Variants in TNRC18 observed in about 807,000 individuals in gnomAD.
The protein encoded by TNRC18 is trinucleotide repeat containing 18.
TNRC18 carries 69 observed loss-of-function variants against 226.7 expected under a neutral mutation model. The observed-to-expected ratio is 0.30, with a 90% CI of 0.25 to 0.37. The LOEUF (loss-of-function observed/expected upper bound fraction) is 0.37. TNRC18 is among the 10% of genes least tolerant of loss of function. TNRC18 has a pLI of 1.00. For synonymous variants in TNRC18, 2,449 were observed against 1,927.6 expected, an observed-to-expected ratio of 1.27 and a Z score of -7.09; for missense variants, 4,754 against 4,256.6, an observed-to-expected ratio of 1.12 and a Z score of -3.25.
intron 18 of TNRC18, 43 bp downstream of exon 18, chr7:5,345,519 C>CCCCCCCCCCCA: frequency 5.7e-6 from 1 of 174,076 alleles, no homozygotes; most frequent in Non-Finnish European, 1.2e-5. Context: ...TGGCGTCCGC[C>CCCCCCCCCCCA]CCTCCCACCC....
At position 5,377,386 on chromosome 7, in the gene TNRC18, C is replaced by T. The variant is rs757246612; in HGVS notation, c.2446G>A (p.Ala816Thr). 1.1e-5 allele frequency: 18 copies of T among 1,585,230 alleles called. No homozygotes were observed. Among genetic ancestry groups the T allele is most frequent in the African/African-American group, 2.7e-5 (2 of 74,210 alleles). Reference protein sequence around the residue: ...PRSGNASMWLAGHPYGLGPPS... With the variant: ...PRSGNASMWLTGHPYGLGPPS... The stretch of plus-strand genomic sequence containing the variant: ...CCACACTCACCGTAGGGGTGTCCAG[C>T]GAGCCACATGGATGCGTTGCCCGAG... Residue 816 changes from alanine (A) to threonine (T), a missense_variant, in exon 7 of 30, where the codon GCT becomes ACT. By Grantham distance (58) the Ala-to-Thr change is moderately conservative (BLOSUM62 0). Coordinates refer to ENST00000430969, the MANE Select transcript of TNRC18 (RefSeq NM_001080495.3). The surrounding 1 kb of genome is among the most constrained non-coding windows in gnomAD (Gnocchi z 5.8).
intron 2 of TNRC18, among the ~76,000 whole-genome samples, chr7:5,395,532 AG>A (rs1466873014): frequency 6.6e-6 from 1 of 152,198 alleles, no homozygotes; most frequent in Non-Finnish European, 1.5e-5. Flanking sequence ...ATCCCCTCTA[AG>A]GGAAGACCCT....
intron 3 of TNRC18, among the ~76,000 whole-genome samples, chr7:5,391,682 AGAGAG>A (rs1374230534): frequency 1.0e-4 from 14 of 139,970 alleles, no homozygotes; most frequent in Admixed American, 8.4e-4. Context: ...GTAGCCATGG[AGAGAG>A]GAGAAGTCAC....
In TNRC18 at chr7:5,376,210, G is replaced by A. The variant is rs770468463; in HGVS notation, c.2623C>T (p.Arg875Trp). The A allele has an allele frequency of 9.3e-6, 14 of 1,501,260 alleles. No homozygotes were observed. The highest frequency in any genetic ancestry group is 2.8e-5 in the African/African-American group (2 of 71,674). The allele number at this position is 1,501,260 out of a possible 1,614,324, so 93.0% of individuals were successfully genotyped here. A position where few individuals can be genotyped will look rare whatever the true frequency, so the allele number is the denominator to read the frequency against. The change falls in exon 9 of 30, where the codon CGG becomes TGG. Residue 875 changes from arginine (R) to tryptophan (W), a missense_variant. Coordinates refer to ENST00000430969, the MANE Select transcript of TNRC18 (RefSeq NM_001080495.3). ...HLPHFAELMERATVPPLWPAL... is the reference protein window; with the variant it reads ...HLPHFAELMEWATVPPLWPAL... ...GGCCAGAGGGGCGGTACGGTGGCCCGCTCCATCAGCTCCGCTGCAGGGACA... is the reference window on the plus strand; with the variant it reads ...GGCCAGAGGGGCGGTACGGTGGCCCACTCCATCAGCTCCGCTGCAGGGACA...
chr7:5,354,273 T>C lies in TNRC18; in HGVS notation c.5195-2179A>G, dbSNP rs150101061. Among the ~76,000 whole-genome samples, 567 of 150,386 alleles carry C rather than the reference T, an allele frequency of 3.8e-3. 2 individuals are homozygous for C. Among genetic ancestry groups the C allele is most frequent in the African/African-American group, 0.013 (537 of 40,936 alleles). On this transcript the variant is annotated intron_variant, in intron 16 of 29. Transcript: ENST00000430969. ...GACATTCCCTCACACGTGCCAAGAG[T>C]GAACACACCAGCTCGGAGCACCCCA...
intron 21 of TNRC18, among the ~76,000 whole-genome samples, chr7:5,322,134 C>T (rs1788432958): frequency 6.6e-6 from 1 of 151,962 alleles, no homozygotes; most frequent in African/African-American, 2.4e-5. Flanking sequence ...AAATATTACC[C>T]AGGTGTGGCA....
At chr7:5,335,993 G>A (rs894281813) in intron 18 of TNRC18, among the ~76,000 whole-genome samples, 1 of 151,930 alleles carries the variant, frequency 6.6e-6, no homozygotes, top group East Asian at 1.9e-4. Flanking sequence ...GATCACTTGA[G>A]GTGAGGAGTT....
In TNRC18 at chr7:5,389,304, C is replaced by G. The variant is rs765511626; in HGVS notation, c.520G>C (p.Gly174Arg). 1 of 1,282,788 alleles carries G rather than the reference C, an allele frequency of 7.8e-7. No individual in the cohort carries two copies. Among genetic ancestry groups the G allele is most frequent in the Non-Finnish European group, 9.9e-7 (1 of 1,015,208 alleles). The allele number at this position is 1,282,788 out of a possible 1,614,324, so 79.5% of individuals were successfully genotyped here. A position where few individuals can be genotyped will look rare whatever the true frequency, so the allele number is the denominator to read the frequency against. Reference sequence around the variant, plus strand: ...GAGGGCGCGTGAGAGTGCAGGGAGCCCGGAGCCCCCGCGGTGGGCAGGTAG... The same window carrying G: ...GAGGGCGCGTGAGAGTGCAGGGAGCGCGGAGCCCCCGCGGTGGGCAGGTAG... ...GFYLPTAGAP[G>R]SLHSHAPSAR... Residue 174 changes from glycine (G) to arginine (R), a missense_variant, in exon 5 of 30, where the codon GGC becomes CGC. Coordinates refer to ENST00000430969, the MANE Select transcript of TNRC18 (RefSeq NM_001080495.3).
intron 17 of TNRC18, among the ~76,000 whole-genome samples, chr7:5,346,538 G>C (rs1033668352): frequency 6.6e-6 from 1 of 152,222 alleles, no homozygotes; most frequent in Non-Finnish European, 1.5e-5. Context: ...GCCGGGCACA[G>C]TGGCTCACGC....
At chr7:5,401,266 A>G (rs1402467714) in intron 2 of TNRC18, among the ~76,000 whole-genome samples, 3 of 151,702 alleles carry the variant, frequency 2.0e-5, no homozygotes, top group Non-Finnish European at 4.4e-5. Context: ...CATGATAGGG[A>G]TATAAGTTCC....
At chr7:5,356,248 G>A (rs1372398563) in intron 16 of TNRC18, among the ~76,000 whole-genome samples, 2 of 151,264 alleles carry the variant, frequency 1.3e-5, no homozygotes, top group Non-Finnish European at 2.9e-5. Context: ...GGGTCGGGCC[G>A]AACCAGGTTT....
chr7:5,377,971 C>T lies in TNRC18; in HGVS notation c.2206G>A (p.Glu736Lys). The change falls in exon 6 of 30, where the codon GAA becomes AAA. Residue 736 changes from glutamate (E) to lysine (K), a missense_variant. Coordinates refer to ENST00000430969, the MANE Select transcript of TNRC18 (RefSeq NM_001080495.3). This position sits in a 1 kb window ranked among gnomAD's most constrained non-coding sequence, Gnocchi z 5.8. ...TCCAGCCGTGCCCCGAGCAGCCGTTCCTCCCGGTGTCTGGCCCGGTCGTCC... is the reference window on the plus strand; with the variant it reads ...TCCAGCCGTGCCCCGAGCAGCCGTTTCTCCCGGTGTCTGGCCCGGTCGTCC... Reference protein sequence around the residue: ...CVDDRARHREERLLGARLDRD... With the variant: ...CVDDRARHREKRLLGARLDRD... The T allele has an allele frequency of 6.2e-7, 1 of 1,613,554 alleles. No homozygotes were observed. The highest frequency in any genetic ancestry group is 8.5e-7 in the Non-Finnish European group (1 of 1,179,838).
At chr7:5,343,423 G>C (rs1333688509) in intron 18 of TNRC18, among the ~76,000 whole-genome samples, 1 of 152,106 alleles carries the variant, frequency 6.6e-6, no homozygotes, top group Non-Finnish European at 1.5e-5. Flanking sequence ...TATGCTTTTG[G>C]TTTGGTCTTT....
intron 19 of TNRC18, among the ~76,000 whole-genome samples, chr7:5,329,436 C>A (rs1372042898): frequency 5.3e-5 from 8 of 151,890 alleles, no homozygotes; most frequent in Non-Finnish European, 7.4e-5. Context: ...GTAATCCCAG[C>A]ACTTTGGGAG....
At chr7:5,373,775 G>A (rs949980069) in intron 10 of TNRC18, among the ~76,000 whole-genome samples, 1 of 152,154 alleles carries the variant, frequency 6.6e-6, no homozygotes, top group Non-Finnish European at 1.5e-5. Flanking sequence ...GCGTGTGACA[G>A]GTCTGGCTCG....
At chr7:5,345,517 G>GGGGGGGGGGGGGGCCC in intron 18 of TNRC18, 45 bp downstream of exon 18, 1 of 377,744 alleles carries the variant, frequency 2.6e-6, no homozygotes, top group Non-Finnish European at 4.8e-6. Flanking sequence ...AATGGCGTCC[G>GGGGGGGGGGGGGGCCC]CCCCTCCCAC....
intron 18 of TNRC18, among the ~76,000 whole-genome samples, chr7:5,341,102 C>T (rs1301971570): frequency 6.6e-6 from 1 of 152,028 alleles, no homozygotes; most frequent in African/African-American, 2.4e-5. Flanking sequence ...TAAATCTCCT[C>T]TGCCAGGGGT....
Position 5,359,443 on chromosome 7 carries a change from G to T in TNRC18, c.4788C>A (p.Asn1596Lys), listed in dbSNP as rs369331019. The T allele has an allele frequency of 9.9e-6, 16 of 1,613,868 alleles. No homozygotes were observed. The highest frequency in any genetic ancestry group is 1.3e-5 in the African/African-American group (1 of 74,912). ...AGGCCTCATGTTCATCCCAAGTCTGGTTCCTCCCCCTGGCTTTCCCCATTC... is the reference window on the plus strand; with the variant it reads ...AGGCCTCATGTTCATCCCAAGTCTGTTTCCTCCCCCTGGCTTTCCCCATTC... The part of the protein sequence containing the change: ...LIGMGKARGR[N>K]QTWDEHEASS... Residue 1596 changes from asparagine (N) to lysine (K), a missense_variant, in exon 15 of 30, where the codon AAC becomes AAA. Transcript: ENST00000430969.
rs531760409 is a variant in TNRC18 at position 5,314,818 on chromosome 7, T to C, written c.7027+166A>G. On this transcript the variant is annotated intron_variant, in intron 26 of 29. Coordinates refer to ENST00000430969, the MANE Select transcript of TNRC18 (RefSeq NM_001080495.3). ...GAACTCCTGACATCAGCCGATCTGC[T>C]CGCCTTGGCCTCCCAAAGCGCTGGG... is the stretch of plus-strand genomic sequence containing the variant. 3.9e-5 allele frequency among the ~76,000 whole-genome samples: 6 copies of C among 152,214 alleles called. No individual in the cohort carries two copies. The South Asian group carries it at 6.2e-4, about 16-fold the overall frequency.
Sources: gnomAD v4.1 joint callset for allele counts (sites outside exome capture counted in the v4.1 genomes callset) on GRCh38, gnomAD v4.1.1 for gene constraint, Gnocchi (gnomAD v3.1) non-coding constraint, MANE v1.5 for transcripts, NCBI Gene and HGNC (gene_info 2026-07-23, HGNC 2026-07-21) for gene names.